Variants in TMEM132A observed in about 807,000 individuals in gnomAD.
TMEM132A encodes the protein GRP78-binding protein.
TMEM132A carries 48 observed loss-of-function variants against 69.9 expected under a neutral mutation model. The ratio of observed to expected loss-of-function variants is 0.69; its 90% confidence interval spans 0.55 to 0.87. The LOEUF (loss-of-function observed/expected upper bound fraction) is 0.87. TMEM132A is among the 40% of genes least tolerant of loss of function. The pLI is 0.00. For synonymous variants in TMEM132A, 577 were observed against 613.7 expected (o/e 0.94, Z 0.88); for missense variants, 1,287 against 1,407.2 (o/e 0.91, Z 1.37).
At chr11:60,931,619 T>A in intron 5 of TMEM132A, 70 bp from the exon 6 acceptor site, 2 of 1,454,538 alleles carry the variant, frequency 1.4e-6, no homozygotes, top group Non-Finnish European at 9.4e-7. Context: ...TAATCATGAA[T>A]GCAGGAAGTG....
rs1565119120 is a variant in TMEM132A, at chr11:60,927,641, G to A, written c.316G>A (p.Val106Met). The A allele has an allele frequency of 6.2e-7, 1 of 1,608,820 alleles. No individual in the cohort carries two copies. The change falls in exon 3 of 11, where the codon GTG becomes ATG. Residue 106 changes from valine (V) to methionine (M), a missense_variant and splice_region_variant. Val to Met is a conservative substitution (Grantham distance 21). Transcript: ENST00000453848. ...ASYPPFATQQVVPPRVTEPHQ... is the reference protein window; with the variant it reads ...ASYPPFATQQMVPPRVTEPHQ... ...TTAAGCCCTCTCATTCTCCCTCCAG[G>A]TGGTCCCCCCTCGAGTCACTGAGCC...
At position 60,927,695 on chromosome 11, in the gene TMEM132A, C is replaced by G; in HGVS notation, c.370C>G (p.Arg124Gly). ...PHQRPVPWDV[R>G]AVSVEAAVTP... ...CCAACGGCCAGTCCCATGGGACGTG[C>G]GGGCCGTTTCAGTGGAAGCGGCTGT... Residue 124 changes from arginine (R) to glycine (G), a missense_variant, in exon 3 of 11, where the codon CGG becomes GGG. Physicochemically the swap from Arg to Gly is moderately radical, Grantham distance 125. Transcript: ENST00000453848. 1 of 1,613,590 alleles carries G rather than the reference C, an allele frequency of 6.2e-7. No homozygotes were observed. The highest frequency in any genetic ancestry group is 8.5e-7 in the Non-Finnish European group (1 of 1,180,030).
chr11:60,933,408 TC>T, intron 7 of TMEM132A, 133 bp from the exon 8 acceptor site: 1 of 674,410 alleles, frequency 1.5e-6, no homozygotes, highest in East Asian at 2.7e-5. Context: ...GGTCTCAAAC[TC>T]CTGGACTCAA....
Position 60,927,849 on chromosome 11 carries a change from G to A in TMEM132A, c.524G>A (p.Cys175Tyr), listed in dbSNP as rs368067544. 1.2e-6 allele frequency: 2 copies of A among 1,609,004 alleles called. No homozygotes were observed. The highest frequency in any genetic ancestry group is 1.7e-6 in the Non-Finnish European group (2 of 1,179,102). The change falls in exon 3 of 11, where the codon TGC becomes TAC. Residue 175 changes from cysteine to tyrosine, a missense_variant. By Grantham distance (194) the Cys-to-Tyr change is radical (BLOSUM62 -2). Transcript: ENST00000453848. Reference protein sequence around the residue: ...THPAGTAHQACRFQPSLGACV... With the variant: ...THPAGTAHQAYRFQPSLGACV... Reference sequence around the variant, plus strand: ...CCTGCCGGCACTGCTCACCAAGCCTGCCGCTTCCAGGTGAGTAGACAGGCC... The same window carrying A: ...CCTGCCGGCACTGCTCACCAAGCCTACCGCTTCCAGGTGAGTAGACAGGCC...
chr11:60,928,999 C>T (rs909614917), intron 4 of TMEM132A, 39 bp downstream of exon 4: 1 of 1,603,260 alleles, frequency 6.2e-7, no homozygotes, highest in South Asian at 1.1e-5. Context: ...GGGTGGGAAC[C>T]TCTGTGGGAA....
Position 60,933,622 on chromosome 11 carries a change from G to A in TMEM132A, c.1437G>A (p.Trp479Ter). 1.2e-6 allele frequency: 2 copies of A among 1,606,076 alleles called. No homozygotes were observed. The highest frequency in any genetic ancestry group is 1.7e-6 in the Non-Finnish European group (2 of 1,179,208). Residue 479 changes from tryptophan to a stop codon, truncating the protein, a stop_gained, in exon 8 of 11, where the codon TGG (tryptophan) becomes TGA (stop). Coordinates refer to ENST00000453848, the MANE Select transcript of TMEM132A (RefSeq NM_178031.3). LOFTEE classifies it high-confidence loss of function. ...GARGVRVDFW[W>*]RRLRASLRLT... ...GGGGGGTGCGAGTGGACTTCTGGTG[G>A]CGCCGGCTCCGCGCCTCGCTGCGGC...
chr11:60,932,154 G>A (rs1856496368), intron 7 of TMEM132A, 27 bp downstream of exon 7: 1 of 1,517,510 alleles, frequency 6.6e-7, no homozygotes, highest in Admixed American at 2.2e-5. Flanking sequence ...CAGCTCATGT[G>A]AGTCTGCATT....
intron 7 of TMEM132A, chr11:60,932,617 AT>A (rs1856504164): frequency 6.6e-6 from 1 of 152,590 alleles, no homozygotes; most frequent in South Asian, 2.1e-4. Flanking sequence ...ATATGATGTA[AT>A]AATTATACAA....
At chr11:60,926,951 G>A in intron 1 of TMEM132A, 1 of 574,510 alleles carries the variant, frequency 1.7e-6, no homozygotes, top group Non-Finnish European at 3.1e-6. Context: ...AAGGTCTGTG[G>A]AAAGTAGAAG....
intron 8 of TMEM132A, 41 bp from the exon 9 acceptor site, chr11:60,934,447 G>T (rs775292372): frequency 7.4e-7 from 1 of 1,345,564 alleles, no homozygotes; most frequent in Middle Eastern, 2.8e-4. Flanking sequence ...GGCTGGGGCC[G>T]CTCAGCGCTG....
chr11:60,931,809 A>G lies in TMEM132A; in HGVS notation c.1137A>G (p.Glu379=). 3 of 1,614,218 alleles carry G rather than the reference A, an allele frequency of 1.9e-6. No homozygotes were observed. Among genetic ancestry groups the G allele is most frequent in the Non-Finnish European group, 2.5e-6 (3 of 1,180,026 alleles). The stretch of plus-strand genomic sequence containing the variant: ...TGGAGTACCCAGGCCAGGCCCCTGA[A>G]GCAGAGAAGGACAAAATGGTGTGGG... ...WQLEYPGQAP[E]AEKDKMVWEI... is the part of the protein sequence containing the mutation. The change falls in exon 6 of 11, where the codon GAA becomes GAG. Residue 379 remains glutamate, a synonymous_variant. Coordinates refer to ENST00000453848, the MANE Select transcript of TMEM132A (RefSeq NM_178031.3).
chr11:60,936,874 C>T lies in TMEM132A; in HGVS notation c.3039C>T (p.Arg1013=). Residue 1013 remains arginine (R), a synonymous_variant, in exon 11 of 11, where the codon CGC becomes CGT. Coordinates refer to ENST00000453848, the MANE Select transcript of TMEM132A (RefSeq NM_178031.3). ...GGCTGAAGGACCCTGAGGAGCTTCG[C>T]AACTACATGGAGAGGATCCGGGGCA... The part of the protein sequence containing the change: ...DMGLKDPEEL[R]NYMERIRGSS The T allele has an allele frequency of 6.3e-7, 1 of 1,583,458 alleles. No individual in the cohort carries two copies. The highest frequency in any genetic ancestry group is 8.6e-7 in the Non-Finnish European group (1 of 1,166,888).
intron 2 of TMEM132A, 40 bp downstream of exon 2, chr11:60,927,458 T>C (rs1269665791): frequency 1.3e-6 from 2 of 1,571,700 alleles, no homozygotes; most frequent in Middle Eastern, 3.4e-4. Flanking sequence ...CTAACAGGAC[T>C]CAGGGCCTGA....
At chr11:60,929,083 AAACT>A in intron 4 of TMEM132A, 123 bp downstream of exon 4, 1 of 322,002 alleles carries the variant, frequency 3.1e-6, no homozygotes, top group Non-Finnish European at 4.7e-6. Flanking sequence ...TGTGTCCACC[AAACT>A]AAACTCCTTC....
chr11:60,927,036 C>T, intron 1 of TMEM132A, 168 bp from the exon 2 acceptor site: 2 of 685,604 alleles, frequency 2.9e-6, no homozygotes, highest in Non-Finnish European at 5.3e-6. Context: ...GTGTGAGGCT[C>T]TTTAAGCCTC....
At chr11:60,934,831 G>A in intron 9 of TMEM132A, 67 bp downstream of exon 9, 1 of 1,485,286 alleles carries the variant, frequency 6.7e-7, no homozygotes, top group Non-Finnish European at 9.0e-7. Context: ...AAATGTTCGT[G>A]GGTGGGAGTG....
intron 9 of TMEM132A, 105 bp downstream of exon 9, chr11:60,934,869 T>C (rs2134910378): frequency 8.0e-7 from 1 of 1,253,092 alleles, no homozygotes; most frequent in East Asian, 2.5e-5. Context: ...CCAGAGTGTG[T>C]GGGGGAGTTG....
intron 1 of TMEM132A, 31 bp downstream of exon 1, chr11:60,924,764 GCGGCCGGGC>G: frequency 6.9e-7 from 1 of 1,457,864 alleles, no homozygotes; most frequent in Non-Finnish European, 9.1e-7. Flanking sequence ...GGGGCGAGGG[GCGGCCGGGC>G]CCGGCCGAGT....
rs1856404738 is a variant in TMEM132A, at chr11:60,928,722, G to C, written c.628G>C (p.Glu210Gln). 6.2e-7 allele frequency: 1 copy of C among 1,610,244 alleles called. No individual in the cohort carries two copies. The change falls in exon 4 of 11, where the codon GAG becomes CAG. Residue 210 changes from glutamate to glutamine, a missense_variant. Glu to Gln is a conservative substitution (Grantham distance 29, BLOSUM62 2). Coordinates refer to ENST00000453848, the MANE Select transcript of TMEM132A (RefSeq NM_178031.3). ...TTRAELAYTL[E>Q]PAAEGPGGCG... ...ACGGGCCGAGCTGGCCTACACGCTTGAGCCTGCAGCTGAGGGCCCTGGGGG... is the reference window on the plus strand; with the variant it reads ...ACGGGCCGAGCTGGCCTACACGCTTCAGCCTGCAGCTGAGGGCCCTGGGGG...
Sources: allele counts gnomAD v4.1 joint callset, GRCh38; gene constraint gnomAD v4.1.1; transcripts MANE v1.5; gene names NCBI Gene and HGNC (gene_info 2026-07-23, HGNC 2026-07-21).